SYT14: variants seen among roughly 807,000 people sequenced by gnomAD.
SYT14 encodes synaptotagmin 14.
In SYT14, 32 loss-of-function variants were observed where a neutral mutation model predicts 74.2. The observed-to-expected ratio is 0.43, with a 90% CI of 0.33 to 0.58. SYT14 has a LOEUF of 0.58. Ranked by LOEUF, SYT14 falls within the 20% of genes least tolerant of loss-of-function variation. The pLI is 0.05. For missense variants in SYT14, 791 were observed against 981.8 expected (o/e 0.81, Z 2.60); for synonymous variants, 298 against 337.7 (o/e 0.88, Z 1.29).
chr1:210,102,669 A>G (rs1043422919), intron 7 of SYT14, among the ~76,000 whole-genome samples: 3 of 152,058 alleles, frequency 2.0e-5, no homozygotes, highest in African/African-American at 7.2e-5. Flanking sequence ...CATTTGTTCT[A>G]GTTGCTTTTT....
intron 5 of SYT14, among the ~76,000 whole-genome samples, chr1:210,040,594 C>T (rs1030323580): frequency 1.3e-5 from 2 of 151,816 alleles, no homozygotes; most frequent in Admixed American, 6.6e-5. Context: ...GTTACATTGT[C>T]CTTATAAATA....
chr1:210,066,022 C>T (rs1026087881), intron 5 of SYT14, among the ~76,000 whole-genome samples: 1 of 151,824 alleles, frequency 6.6e-6, no homozygotes, highest in East Asian at 1.9e-4. Context: ...TGATGGTTTC[C>T]AGCTTCATCC....
chr1:210,129,658 A>G (rs750313137), intron 7 of SYT14, among the ~76,000 whole-genome samples: 2 of 152,216 alleles, frequency 1.3e-5, no homozygotes, highest in Non-Finnish European at 2.9e-5. Flanking sequence ...ATGAAATCCT[A>G]TTTTAATCAG....
At chr1:210,045,793 T>A (rs1365055059) in intron 5 of SYT14, among the ~76,000 whole-genome samples, 1 of 151,932 alleles carries the variant, frequency 6.6e-6, no homozygotes, top group Non-Finnish European at 1.5e-5. Context: ...GTAGGGAAAA[T>A]TTATGTTTCT....
At position 210,100,398 on chromosome 1, in the gene SYT14, A is replaced by C. The variant is rs2082042420; in HGVS notation, c.1971A>C (p.Thr657=). The C allele has an allele frequency of 3.1e-6, 5 of 1,613,610 alleles. No individual in the cohort carries two copies. In the East Asian group the frequency reaches 1.1e-4, roughly 36 times the overall value. ...TGGGGGAAAAGATTTTTTATTTAAC[A>C]AAATTGAATCTTCAAGGGAAAATGT... is the stretch of plus-strand genomic sequence containing the variant. Residue 657 remains threonine, a synonymous_variant, in exon 7 of 10, where the codon ACA becomes ACC. Transcript: ENST00000637265.
In SYT14 at chr1:210,000,466, GCACACACACACA is replaced by G. The variant is rs375046637; in HGVS notation, c.-485-13144_-485-13133del. On this transcript the variant is annotated intron_variant, in intron 2 of 9. Transcript: ENST00000637265. ...TTATTTTAGTCCTTTGTCCTCATACGCACACACACACACACACACACACACACACACACAATC... is the reference window on the plus strand; with the variant it reads ...TTATTTTAGTCCTTTGTCCTCATACGCACACACACACACACACACACAATC... Among the ~76,000 whole-genome samples the G allele has an allele frequency of 3.1e-4, 44 of 143,200 alleles. 1 individual carries two copies. The highest frequency in any genetic ancestry group is 4.4e-4 in the Non-Finnish European group (29 of 65,802). The allele number at this position is 143,200 out of a possible 152,430, so 93.9% of individuals were successfully genotyped here.
exon 7 of SYT14, chr1:210,100,177 G>GGTGGCAAGTCCT: frequency 6.2e-7 from 1 of 1,614,002 alleles, no homozygotes; most frequent in Non-Finnish European, 8.5e-7. Flanking sequence ...TAACAGGACA[G>GGTGGCAAGTCCT]GTGGCAACTC....
chr1:209,994,437 G>A (rs1055619594), intron 2 of SYT14, among the ~76,000 whole-genome samples: 14 of 151,792 alleles, frequency 9.2e-5, no homozygotes, highest in African/African-American at 2.2e-4. Flanking sequence ...AGACAAAAAC[G>A]AAGAAAAAAG....
At chr1:210,096,957 CTA>C (rs1449281893) in intron 6 of SYT14, among the ~76,000 whole-genome samples, 1 of 152,190 alleles carries the variant, frequency 6.6e-6, no homozygotes, top group Non-Finnish European at 1.5e-5. Flanking sequence ...TACTCACTAT[CTA>C]TAGTTATCAC....
chr1:209,997,651 G>T (rs963351940), intron 2 of SYT14, among the ~76,000 whole-genome samples: 12 of 151,914 alleles, frequency 7.9e-5, no homozygotes, highest in African/African-American at 2.9e-4. Context: ...GATACTCAGG[G>T]ACATAAATAT....
chr1:210,094,267 A>C, intron 5 of SYT14, 55 bp from the exon 5 acceptor site: 1 of 1,610,826 alleles, frequency 6.2e-7, no homozygotes, highest in South Asian at 1.1e-5. Context: ...ATTGTAGACT[A>C]TACTGTGTGT....
At chr1:210,097,377 A>AT (rs1367121009) in intron 6 of SYT14, among the ~76,000 whole-genome samples, 4 of 152,188 alleles carry the variant, frequency 2.6e-5, no homozygotes, top group Admixed American at 1.3e-4. Flanking sequence ...CTAAATAAAG[A>AT]TTTTTTAAAA....
At chr1:210,058,334 T>G (rs1465721980) in intron 5 of SYT14, among the ~76,000 whole-genome samples, 1 of 152,164 alleles carries the variant, frequency 6.6e-6, no homozygotes, top group Non-Finnish European at 1.5e-5. Context: ...AGTTGGAGTT[T>G]TGAAGTTGGG....
At chr1:209,952,600 A>G (rs1328965205) in intron 1 of SYT14, 109 bp from the exon 2 acceptor site, 12 of 892,268 alleles carry the variant, frequency 1.3e-5, no homozygotes, top group African/African-American at 4.9e-5. Flanking sequence ...AGAGTTAGGG[A>G]AACTTTTTTT....
intron 7 of SYT14, among the ~76,000 whole-genome samples, chr1:210,154,528 A>ATT (rs1387674009): frequency 6.6e-6 from 1 of 151,972 alleles, no homozygotes; most frequent in African/African-American, 2.4e-5. Context: ...ATCCTATCCT[A>ATT]TTATTTTTTC....
intron 9 of SYT14, among the ~76,000 whole-genome samples, chr1:210,160,196 C>T (rs1205674871): frequency 1.3e-5 from 2 of 152,004 alleles, no homozygotes; most frequent in Admixed American, 6.6e-5. Flanking sequence ...TTTTTTTTGA[C>T]ATTTCATCCT....
At chr1:210,073,611 C>T (rs778594554) in intron 5 of SYT14, among the ~76,000 whole-genome samples, 2 of 151,982 alleles carry the variant, frequency 1.3e-5, no homozygotes, top group Non-Finnish European at 2.9e-5. Context: ...TATATACTCC[C>T]CAACAAACTG....
At chr1:209,994,524 T>C (rs1352733831) in intron 2 of SYT14, among the ~76,000 whole-genome samples, 1 of 152,168 alleles carries the variant, frequency 6.6e-6, no homozygotes, top group Non-Finnish European at 1.5e-5. Context: ...TCATTGGCAT[T>C]CCTGAGAGAG....
chr1:210,106,096 G>C (rs1306178866), intron 7 of SYT14, among the ~76,000 whole-genome samples: 3 of 152,186 alleles, frequency 2.0e-5, no homozygotes, highest in Admixed American at 6.5e-5. Flanking sequence ...GCCTTCTTCT[G>C]AAAGAATCTA....
Sources: allele counts gnomAD v4.1 joint callset (sites outside exome capture counted in the v4.1 genomes callset), GRCh38; gene constraint gnomAD v4.1.1; transcripts MANE v1.5; gene names NCBI Gene and HGNC (gene_info 2026-07-23, HGNC 2026-07-21).